PTPRK: variants seen among roughly 807,000 people sequenced by gnomAD.
The protein encoded by PTPRK is receptor-type tyrosine-protein phosphatase kappa.
Under a neutral mutation model 178.0 loss-of-function variants are expected in PTPRK, and 75 were observed. That is an observed-to-expected ratio of 0.42 (90% confidence interval 0.35 to 0.51). PTPRK has a LOEUF of 0.51. PTPRK is among the 20% of genes least tolerant of loss of function. The pLI, the probability that PTPRK is intolerant of heterozygous loss-of-function variation, is 0.02. For synonymous variants in PTPRK, 637 were observed against 620.6 expected (o/e 1.03, Z -0.39); for missense variants, 1,441 against 1,797.8 (o/e 0.80, Z 3.59).
rs1009344831 is a variant in PTPRK, at chr6:128,085,316, G to A, written c.1466-1492C>T. On this transcript the variant is annotated intron_variant, in intron 8 of 29. Transcript: ENST00000368226. ...ACAGAGGGCCAGTGAGAGCCCCTCT[G>A]CACATCTGTGTCTATTGCTAAGGCT... 1.4e-4 allele frequency: 22 copies of A among 152,344 alleles called. No homozygotes were observed. The East Asian group carries it at 4.1e-3, about 28-fold the overall frequency. The allele number at this position is 152,344 out of a possible 1,614,324, so 9.4% of individuals were successfully genotyped here.
intron 7 of PTPRK, among the ~76,000 whole-genome samples, chr6:128,108,464 C>T (rs112951514): frequency 0.026 from 3,899 of 152,140 alleles, 76 homozygotes; most frequent in Middle Eastern, 0.092. Context: ...ATTTCCCTTG[C>T]TAAATTTTAC....
At chr6:128,419,405 G>C (rs1294758289) in intron 1 of PTPRK, among the ~76,000 whole-genome samples, 1 of 152,194 alleles carries the variant, frequency 6.6e-6, no homozygotes, top group Non-Finnish European at 1.5e-5. Context: ...GACGTCAGGA[G>C]ATCGAGACCG....
chr6:128,389,408 T>G (rs1839226466), intron 2 of PTPRK, among the ~76,000 whole-genome samples: 1 of 41,038 alleles, frequency 2.4e-5, no homozygotes, highest in Non-Finnish European at 1.1e-4. Flanking sequence ...TTTTTGTTTT[T>G]TTTTGTTTTT....
intron 13 of PTPRK, among the ~76,000 whole-genome samples, chr6:128,012,956 C>G (rs911513665): frequency 6.6e-5 from 10 of 151,260 alleles, no homozygotes; most frequent in African/African-American, 1.9e-4. Flanking sequence ...AGAAACTGTT[C>G]CCACTCACTT....
At chr6:128,371,831 G>A (rs899815326) in intron 2 of PTPRK, among the ~76,000 whole-genome samples, 6 of 151,540 alleles carry the variant, frequency 4.0e-5, no homozygotes, top group African/African-American at 4.9e-5. Flanking sequence ...ATCCGAGATC[G>A]TGCCACTGCA....
chr6:128,193,807 C>T (rs573462901), intron 6 of PTPRK, among the ~76,000 whole-genome samples: 19 of 151,986 alleles, frequency 1.3e-4, no homozygotes, highest in Middle Eastern at 6.8e-3. Flanking sequence ...AACTTTATTA[C>T]CTGCTTGAAA....
intron 1 of PTPRK, among the ~76,000 whole-genome samples, chr6:128,433,093 A>G (rs1845048074): frequency 6.6e-6 from 1 of 152,202 alleles, no homozygotes. Context: ...ATATTTACTC[A>G]AATATTTATC....
chr6:128,146,235 T>G (rs1049600777), intron 7 of PTPRK, among the ~76,000 whole-genome samples: 1 of 152,188 alleles, frequency 6.6e-6, no homozygotes, highest in Non-Finnish European at 1.5e-5. Context: ...GAATATTTTT[T>G]GGGGTAATAA....
At chr6:128,249,396 A>G (rs999223571) in intron 3 of PTPRK, among the ~76,000 whole-genome samples, 9 of 151,996 alleles carry the variant, frequency 5.9e-5, no homozygotes, top group Admixed American at 1.3e-4. Flanking sequence ...GCAATTGTAT[A>G]ACAAAAGTTA....
At chr6:128,217,476 G>A (rs992945190) in intron 6 of PTPRK, among the ~76,000 whole-genome samples, 4 of 152,126 alleles carry the variant, frequency 2.6e-5, no homozygotes, top group African/African-American at 9.7e-5. Flanking sequence ...TAAGAATCAA[G>A]AAACAATGGG....
chr6:128,299,890 A>G (rs1001973532), intron 3 of PTPRK, among the ~76,000 whole-genome samples: 6 of 152,178 alleles, frequency 3.9e-5, no homozygotes, highest in Admixed American at 1.3e-4. Flanking sequence ...ATTAAACTAA[A>G]GAGCCTCTGC....
chr6:128,454,305 G>A (rs1848141601), intron 1 of PTPRK, among the ~76,000 whole-genome samples: 1 of 152,160 alleles, frequency 6.6e-6, no homozygotes, highest in Admixed American at 6.6e-5. Flanking sequence ...AGCAGCCTGA[G>A]CAGACCAAGA....
intron 1 of PTPRK, among the ~76,000 whole-genome samples, chr6:128,435,657 G>A (rs967807328): frequency 6.6e-6 from 1 of 152,142 alleles, no homozygotes; most frequent in Non-Finnish European, 1.5e-5. Context: ...ACTTGAAAGA[G>A]AAATGCTAAC....
chr6:128,434,034 C>T (rs1158016913), intron 1 of PTPRK, among the ~76,000 whole-genome samples: 1 of 151,390 alleles, frequency 6.6e-6, no homozygotes, highest in Non-Finnish European at 1.5e-5. Flanking sequence ...GATAATTTAT[C>T]CTAAAATCAC....
At chr6:128,394,803 A>G (rs1414435925) in intron 2 of PTPRK, among the ~76,000 whole-genome samples, 1 of 152,090 alleles carries the variant, frequency 6.6e-6, no homozygotes, top group East Asian at 1.9e-4. Context: ...TTTTTTTATT[A>G]TTCTCTACTA....
chr6:128,115,579 T>C (rs1167433559), intron 7 of PTPRK, among the ~76,000 whole-genome samples: 1 of 152,072 alleles, frequency 6.6e-6, no homozygotes, highest in Non-Finnish European at 1.5e-5. Flanking sequence ...AGTGAAGAGA[T>C]AAATTTCACA....
At chr6:128,164,008 T>C (rs1055576134) in intron 7 of PTPRK, among the ~76,000 whole-genome samples, 2 of 151,438 alleles carry the variant, frequency 1.3e-5, no homozygotes, top group African/African-American at 4.8e-5. Flanking sequence ...AGAATTCTCA[T>C]TTTAGAAGAA....
chr6:128,199,676 C>T (rs888813447), intron 6 of PTPRK, among the ~76,000 whole-genome samples: 1 of 152,108 alleles, frequency 6.6e-6, no homozygotes, highest in African/African-American at 2.4e-5. Context: ...GGGCCAACCC[C>T]CGCAAGGGCC....
chr6:128,335,180 A>C (rs1399024176), intron 2 of PTPRK, among the ~76,000 whole-genome samples: 1 of 152,090 alleles, frequency 6.6e-6, no homozygotes, highest in Non-Finnish European at 1.5e-5. Context: ...GTCACTTTCC[A>C]CTATGTCTCC....
Sources: allele counts gnomAD v4.1 joint callset (sites outside exome capture counted in the v4.1 genomes callset), GRCh38; gene constraint gnomAD v4.1.1; transcripts MANE v1.5; gene names NCBI Gene and HGNC (gene_info 2026-07-23, HGNC 2026-07-21).